METTL15: variants seen among roughly 807,000 people sequenced by gnomAD.
The protein encoded by METTL15 is methyltransferase 15, mitochondrial 12S rRNA N4-cytidine.
METTL15 carries 34 observed loss-of-function variants against 38.3 expected under a neutral mutation model. The ratio of observed to expected loss-of-function variants is 0.89; its 90% CI spans 0.68 to 1.18. The LOEUF is 1.18. Ranked by LOEUF, METTL15 falls within the 50% of genes most tolerant of loss-of-function variation. The probability of loss-of-function intolerance (pLI) is 0.00; values close to 1 mark genes in which losing one functional copy is unlikely to be tolerated. For synonymous variants in METTL15, 162 were observed against 170.9 expected (o/e 0.95, Z 0.41); for missense variants, 438 against 498.4 (o/e 0.88, Z 1.15).
intron 3 of METTL15, among the ~76,000 whole-genome samples, chr11:28,181,437 G>T (rs1851284711): frequency 6.6e-6 from 1 of 151,776 alleles, no homozygotes; most frequent in South Asian, 2.1e-4. Flanking sequence ...AACCCTGTGT[G>T]TGATGTTCCC....
chr11:28,407,810 A>G (rs1850687097), intron 5 of METTL15, among the ~76,000 whole-genome samples: 3 of 152,232 alleles, frequency 2.0e-5, no homozygotes, highest in Admixed American at 2.0e-4. Flanking sequence ...TACTGGATAT[A>G]TATCCAAAAG....
chr11:28,208,285 G>T lies in METTL15; in HGVS notation c.271-2777G>T, dbSNP rs367891983. ...TCCCTCTATACTCTGCTTTGAATGT[G>T]TCCCAGAGATTCTGGTATGTTGTGT... On this transcript the variant is annotated intron_variant, in intron 3 of 6. Coordinates refer to ENST00000407364, the MANE Select transcript of METTL15 (RefSeq NM_001113528.2). Among the ~76,000 whole-genome samples the T allele has an allele frequency of 7.2e-5, 11 of 152,086 alleles. No homozygotes were observed. In the East Asian group the frequency reaches 1.7e-3, roughly 24 times the overall value.
intron 4 of METTL15, among the ~76,000 whole-genome samples, chr11:28,222,390 A>AT (rs1853277785): frequency 6.6e-6 from 1 of 152,178 alleles, no homozygotes; most frequent in South Asian, 2.1e-4. Flanking sequence ...CTGTTTGCTA[A>AT]GACCGTCAGA....
At position 28,147,378 on chromosome 11, in the gene METTL15, T is replaced by C. The variant is rs913348156; in HGVS notation, c.270+33774T>C. ...AGTAGACAATCTTTAGGGCAATAAG[T>C]GGATTACATATCTTTCAGTCATTCC... is the stretch of plus-strand genomic sequence containing the variant. On this transcript the variant is annotated intron_variant, in intron 3 of 6. Transcript: ENST00000407364. Among the ~76,000 whole-genome samples the C allele has an allele frequency of 1.1e-4, 16 of 151,986 alleles. 1 individual carries two copies. Among genetic ancestry groups the C allele is most frequent in the African/African-American group, 3.9e-4 (16 of 41,544 alleles).
At chr11:28,424,884 G>A (rs1850851163) in intron 6 of METTL15, among the ~76,000 whole-genome samples, 1 of 152,160 alleles carries the variant, frequency 6.6e-6, no homozygotes, top group Non-Finnish European at 1.5e-5. Flanking sequence ...ACAGGGATGT[G>A]GGAAAAGCAG....
At chr11:28,186,033 T>C (rs1366379562) in intron 3 of METTL15, among the ~76,000 whole-genome samples, 1 of 150,954 alleles carries the variant, frequency 6.6e-6, no homozygotes, top group African/African-American at 2.4e-5. Context: ...GAAATCCAAA[T>C]AGAGAAATGT....
chr11:28,375,070 G>T (rs1353716869), intron 5 of METTL15, among the ~76,000 whole-genome samples: 1 of 150,088 alleles, frequency 6.7e-6, no homozygotes, highest in Admixed American at 6.7e-5. Flanking sequence ...CGTTTTGCCA[G>T]TAGTTTATTT....
At chr11:28,360,018 C>A (rs1042996683) in intron 4 of METTL15, among the ~76,000 whole-genome samples, 7 of 152,152 alleles carry the variant, frequency 4.6e-5, no homozygotes, top group African/African-American at 1.4e-4. Flanking sequence ...AGAAGCCCAA[C>A]CCCTCAGGAG....
At chr11:28,248,673 T>G (rs776141960) in intron 4 of METTL15, among the ~76,000 whole-genome samples, 9 of 152,082 alleles carry the variant, frequency 5.9e-5, no homozygotes, top group Non-Finnish European at 1.2e-4. Flanking sequence ...TAACTAATAT[T>G]AGAGAAAGTC....
intron 3 of METTL15, among the ~76,000 whole-genome samples, chr11:28,145,904 T>C (rs1849866387): frequency 6.6e-6 from 1 of 152,010 alleles, no homozygotes; most frequent in African/African-American, 2.4e-5. Flanking sequence ...ATGGGGTAGA[T>C]GTATGATGAT....
intron 3 of METTL15, among the ~76,000 whole-genome samples, chr11:28,120,180 C>T (rs973749222): frequency 1.3e-5 from 2 of 151,430 alleles, no homozygotes; most frequent in Admixed American, 6.6e-5. Flanking sequence ...TCTCCATCTC[C>T]TGACCTCGTG....
chr11:28,378,248 C>T (rs1341702156), intron 5 of METTL15, among the ~76,000 whole-genome samples: 3 of 152,232 alleles, frequency 2.0e-5, no homozygotes, highest in African/African-American at 7.2e-5. Flanking sequence ...GGCGCCCCTC[C>T]CCCAGCCTCA....
chr11:28,238,714 C>T (rs1201226729), intron 4 of METTL15, among the ~76,000 whole-genome samples: 1 of 152,194 alleles, frequency 6.6e-6, no homozygotes, highest in Non-Finnish European at 1.5e-5. Context: ...ACGCTGGGAG[C>T]TATAGACCGG....
intron 6 of METTL15, among the ~76,000 whole-genome samples, chr11:28,474,087 G>A (rs1448774869): frequency 6.6e-6 from 1 of 151,890 alleles, no homozygotes; most frequent in Non-Finnish European, 1.5e-5. Flanking sequence ...TGTACATGGA[G>A]AGATGCACAC....
At chr11:28,308,892 GTAGA>G (rs68044190) in intron 6 of METTL15, among the ~76,000 whole-genome samples, 3,015 of 146,972 alleles carry the variant, frequency 0.021, 65 homozygotes, top group African/African-American at 0.05. Context: ...AGGTAGGTAG[GTAGA>G]TAGATAGATA....
intron 6 of METTL15, among the ~76,000 whole-genome samples, chr11:28,443,569 C>A (rs1590376859): frequency 6.6e-6 from 1 of 152,124 alleles, no homozygotes; most frequent in Admixed American, 6.5e-5. Flanking sequence ...ACCAACCAGA[C>A]CTCCAAGGCA....
At chr11:28,515,503 G>A (rs1206548486) in intron 6 of METTL15, among the ~76,000 whole-genome samples, 3 of 152,194 alleles carry the variant, frequency 2.0e-5, no homozygotes, top group African/African-American at 4.8e-5. Flanking sequence ...TAAGGCAGGA[G>A]TTGGTAACTT....
intron 3 of METTL15, among the ~76,000 whole-genome samples, chr11:28,184,030 C>A (rs919379702): frequency 1.3e-5 from 2 of 151,948 alleles, no homozygotes; most frequent in African/African-American, 4.8e-5. Context: ...TCCAGATTTT[C>A]TAGTTTATTT....
downstream of METTL15, among the ~76,000 whole-genome samples, chr11:28,528,207 T>C (rs1425038158): frequency 3.3e-5 from 5 of 152,236 alleles, no homozygotes; most frequent in Non-Finnish European, 7.3e-5. Context: ...CAGCTTAATC[T>C]TACCCAGTGC....
Sources: allele counts gnomAD v4.1 joint callset (sites outside exome capture counted in the v4.1 genomes callset), GRCh38; gene constraint gnomAD v4.1.1; transcripts MANE v1.5; gene names NCBI Gene and HGNC (gene_info 2026-07-23, HGNC 2026-07-21).